ECE1: variants seen among roughly 807,000 people sequenced by gnomAD.
ECE1 encodes the protein endothelin converting enzyme 1, also known as endothelin-converting enzyme 1.
In ECE1, 35 loss-of-function variants were observed where a neutral mutation model predicts 98.6. That is an observed-to-expected ratio of 0.35 (90% CI 0.27 to 0.47). The LOEUF (loss-of-function observed/expected upper bound fraction) is 0.47. Ranked by LOEUF, ECE1 falls within the 20% of genes least tolerant of loss-of-function variation. The probability of loss-of-function intolerance (pLI) is 1.00; values close to 1 mark genes in which losing one functional copy is unlikely to be tolerated. For missense variants in ECE1, 814 were observed against 1,025.3 expected (o/e 0.79, Z 2.81); for synonymous variants, 394 against 407.1 (o/e 0.97, Z 0.39).
chr1:21,225,398 T>C lies in ECE1; in HGVS notation c.1892A>G (p.Lys631Arg), dbSNP rs111968473. Residue 631 changes from lysine to arginine, a missense_variant, in exon 17 of 19, where the codon AAG becomes AGG. Physicochemically the swap from Lys to Arg is conservative, Grantham distance 26. This residue lies in a region of ECE1 where 452 missense variants were observed against 567.3 expected (regional missense o/e 0.80). Coordinates refer to ENST00000374893, the MANE Select transcript of ECE1 (RefSeq NM_001397.3). The surrounding 1 kb of genome is among the most constrained non-coding windows in gnomAD (Gnocchi z 5.3). ...DKDGNLRPWW[K>R]NSSVEAFKRQ... ...CTTGAAGGCCTCCACGGATGAGTTCTTCCACCATGGCCGGAGGTTCCCGTC... is the reference window on the plus strand; with the variant it reads ...CTTGAAGGCCTCCACGGATGAGTTCCTCCACCATGGCCGGAGGTTCCCGTC... The C allele has an allele frequency of 6.2e-7, 1 of 1,614,094 alleles. No individual in the cohort carries two copies. The highest frequency in any genetic ancestry group is 1.7e-5 in the Admixed American group (1 of 59,994).
chr1:21,221,837 G>A lies in ECE1; in HGVS notation c.2046C>T (p.Tyr682=), dbSNP rs2103201778. The A allele has an allele frequency of 1.2e-6, 2 of 1,614,150 alleles. No individual in the cohort carries two copies. The highest frequency in any genetic ancestry group is 1.7e-6 in the Non-Finnish European group (2 of 1,180,012). Residue 682 remains tyrosine, a synonymous_variant, in exon 18 of 19, where the codon TAC becomes TAT. Coordinates refer to ENST00000374893, the MANE Select transcript of ECE1 (RefSeq NM_001397.3). ...NGGLKAAYRA[Y]QNWVKKNGAE... ...CCCCGTTCTTCTTCACCCAGTTCTG[G>A]TAAGCCTGGGAGGAGAGAAAACCAA...
chr1:21,334,737 T>C (rs1180957494), intron 1 of ECE1, among the ~76,000 whole-genome samples: 2 of 152,168 alleles, frequency 1.3e-5, no homozygotes, highest in Admixed American at 6.5e-5. Context: ...CACTGTGCTC[T>C]GCTGCCAGCA....
intron 4 of ECE1, among the ~76,000 whole-genome samples, chr1:21,261,173 C>T (rs992541238): frequency 5.9e-5 from 9 of 152,208 alleles, no homozygotes; most frequent in Admixed American, 5.2e-4. Flanking sequence ...CAGAGCCCTG[C>T]TCCAGGCCAT....
intron 1 of ECE1, among the ~76,000 whole-genome samples, chr1:21,331,647 C>T (rs34693054): frequency 0.071 from 10,851 of 152,082 alleles, 528 homozygotes; most frequent in Middle Eastern, 0.15. Context: ...AGGTTCCACT[C>T]TAGCTCTGCC....
intron 2 of ECE1, chr1:21,279,863 T>G (rs974228564): frequency 5.8e-6 from 2 of 347,622 alleles, no homozygotes; most frequent in Admixed American, 1.1e-4. Flanking sequence ...GTGAGGAAAC[T>G]GAGGTCCAGA....
chr1:21,288,618 G>A (rs2098263117), intron 2 of ECE1, among the ~76,000 whole-genome samples: 2 of 152,350 alleles, frequency 1.3e-5, no homozygotes, highest in South Asian at 4.1e-4. Context: ...AAATGCTTTT[G>A]TGTTGATATA....
chr1:21,279,366 C>T (rs955917427), intron 2 of ECE1, 34 bp from the exon 3 acceptor site: 26 of 1,613,740 alleles, frequency 1.6e-5, no homozygotes, highest in African/African-American at 1.2e-4. Context: ...GCGGGGAAGA[C>T]GTGAGCCCCG....
chr1:21,227,262 T>C, intron 15 of ECE1, 36 bp from the exon 16 acceptor site: 4 of 1,599,436 alleles, frequency 2.5e-6, no homozygotes, highest in Non-Finnish European at 3.4e-6. Flanking sequence ...GATGATGCTT[T>C]GAGAGGAGGG....
At chr1:21,257,423 CT>C (rs2098221226) in intron 7 of ECE1, 101 bp downstream of exon 7, 1 of 1,341,386 alleles carries the variant, frequency 7.5e-7, no homozygotes, top group Non-Finnish European at 1.1e-6. Flanking sequence ...ACTGACACCC[CT>C]GGGCTCCCCT....
chr1:21,319,857 C>T lies in ECE1; in HGVS notation c.3+25519G>A, dbSNP rs1367327501. 6.6e-6 allele frequency among the ~76,000 whole-genome samples: 1 copy of T among 152,170 alleles called. No homozygotes were observed. Among genetic ancestry groups the T allele is most frequent in the African/African-American group, 2.4e-5 (1 of 41,444 alleles). On this transcript the variant is annotated intron_variant, in intron 1 of 18. Transcript: ENST00000415912. This position sits in a 1 kb window ranked among gnomAD's most constrained non-coding sequence, Gnocchi z 4.4. ...ATGGCTTCTAGTGCCAGCCCCCACA[C>T]ACCACTCGCCACCCAGGCTGTCTTG...
chr1:21,223,212 A>T (rs1313266844), intron 17 of ECE1, among the ~76,000 whole-genome samples: 1 of 151,772 alleles, frequency 6.6e-6, no homozygotes, highest in Non-Finnish European at 1.5e-5. Context: ...CGAGCTTGTG[A>T]TCCACCTACC....
At chr1:21,247,162 T>C in intron 9 of ECE1, 59 bp downstream of exon 9, 1 of 1,612,784 alleles carries the variant, frequency 6.2e-7, no homozygotes, top group Non-Finnish European at 8.5e-7. Context: ...CCTGCCCACC[T>C]GCCCAAGAAG....
chr1:21,230,247 C>T (rs1041650582), intron 14 of ECE1, among the ~76,000 whole-genome samples: 5 of 152,050 alleles, frequency 3.3e-5, no homozygotes, highest in South Asian at 2.1e-4. Context: ...TTCCATAGTG[C>T]AATTAACCTT....
In ECE1 at chr1:21,254,059, AC is replaced by A. The variant is rs1311256931; in HGVS notation, c.1020+1887del. On this transcript the variant is annotated intron_variant, in intron 8 of 18. Coordinates refer to ENST00000374893, the MANE Select transcript of ECE1 (RefSeq NM_001397.3). ...ACTCCATCCTGGGCGACAGAGCAAG[AC>A]TTTGTCTCAAAAAAAAAAAAAAAAA... 3.2e-5 allele frequency among the ~76,000 whole-genome samples: 4 copies of A among 126,720 alleles called. No homozygotes were observed. In the East Asian group the frequency reaches 9.1e-4, roughly 29 times the overall value. 83.1% of individuals were successfully genotyped at this position (126,720 alleles called of 152,430 possible).
At chr1:21,246,402 G>C (rs1029280849) in intron 9 of ECE1, among the ~76,000 whole-genome samples, 1 of 150,866 alleles carries the variant, frequency 6.6e-6, no homozygotes, top group Non-Finnish European at 1.5e-5. Flanking sequence ...GGGAGGCTGA[G>C]GCAGGAGAAT....
rs970544739 is a variant in ECE1 at position 21,218,212 on chromosome 1, G to C, written c.*1743C>G. On this transcript the variant is annotated 3_prime_UTR_variant, in exon 19 of 19. Transcript: ENST00000374893. The surrounding 1 kb of genome is among the most constrained non-coding windows in gnomAD (Gnocchi z 4.0). Reference sequence around the variant, plus strand: ...CCTGGCTAAAAGCATCCATCTAGCTGCAAGTACTATCTTGATTCAACCCAG... The same window carrying C: ...CCTGGCTAAAAGCATCCATCTAGCTCCAAGTACTATCTTGATTCAACCCAG... The C allele has an allele frequency of 7.2e-5, 11 of 152,312 alleles. No individual in the cohort carries two copies. The highest frequency in any genetic ancestry group is 2.7e-4 in the African/African-American group (11 of 41,464). The allele number at this position is 152,312 out of a possible 1,614,324, so 9.4% of individuals were successfully genotyped here.
intron 17 of ECE1, 120 bp from the exon 18 acceptor site, chr1:21,221,962 G>A: frequency 1.1e-6 from 1 of 894,938 alleles, no homozygotes; most frequent in Non-Finnish European, 1.9e-6. Context: ...CTGGGGATCT[G>A]GGCCTGGGCT....
Position 21,290,016 on chromosome 1 carries a change from C to G in ECE1, c.138+54G>C. 8.1e-7 allele frequency: 1 copy of G among 1,237,822 alleles called. No individual in the cohort carries two copies. The highest frequency in any genetic ancestry group is 3.0e-4 in the Middle Eastern group (1 of 3,380). The allele number at this position is 1,237,822 out of a possible 1,614,324, so 76.7% of individuals were successfully genotyped here. A position where few individuals can be genotyped will look rare whatever the true frequency, so the allele number is the denominator to read the frequency against. ...GGCGGGGGGCGCGGCAGCGGCAGCG[C>G]GCATGCCCGGGCCCGGGGCGCCTGG... On this transcript the variant is annotated intron_variant, in intron 2 of 18. Coordinates refer to ENST00000374893, the MANE Select transcript of ECE1 (RefSeq NM_001397.3). The surrounding 1 kb of genome is among the most constrained non-coding windows in gnomAD (Gnocchi z 7.3).
At chr1:21,279,698 G>C in intron 2 of ECE1, 1 of 1,373,900 alleles carries the variant, frequency 7.3e-7, no homozygotes, top group Non-Finnish European at 9.4e-7. Flanking sequence ...TACCCAGCTG[G>C]GCTCTCTGCA....
Sources: gnomAD v4.1 joint callset for allele counts (sites outside exome capture counted in the v4.1 genomes callset) on GRCh38, gnomAD v4.1.1 for gene constraint, gnomAD v4.1.1 regional missense constraint, Gnocchi (gnomAD v3.1) non-coding constraint, MANE v1.5 for transcripts, NCBI Gene and HGNC (gene_info 2026-07-23, HGNC 2026-07-21) for gene names.